The following ARHGAP10 variants were observed in gnomAD, a reference collection of about 807,000 sequenced individuals.
ARHGAP10 encodes rho GTPase-activating protein 10.
In ARHGAP10, 87 loss-of-function variants were observed where a neutral mutation model predicts 108.6. That is an observed-to-expected ratio of 0.80 (90% CI 0.67 to 0.96). The LOEUF (loss-of-function observed/expected upper bound fraction) is 0.96. ARHGAP10 is among the 40% of genes least tolerant of loss of function. ARHGAP10 has a pLI of 0.00. For missense variants in ARHGAP10, 939 were observed against 954.5 expected, an observed-to-expected ratio of 0.98 and a Z score of 0.21; for synonymous variants, 347 against 341.1, an observed-to-expected ratio of 1.02 and a Z score of -0.19.
intron 19 of ARHGAP10, among the ~76,000 whole-genome samples, chr4:148,040,931 C>T (rs563846569): frequency 6.6e-6 from 1 of 152,202 alleles, no homozygotes; most frequent in South Asian, 2.1e-4. Context: ...GTTATAATTG[C>T]AGTTACTTTG....
At chr4:147,960,304 C>A (rs1738945413) in intron 16 of ARHGAP10, among the ~76,000 whole-genome samples, 1 of 151,966 alleles carries the variant, frequency 6.6e-6, no homozygotes, top group African/African-American at 2.4e-5. Context: ...AGCCTTTTTG[C>A]ATCCTTTCTG....
chr4:147,851,858 C>T (rs1184141911), intron 4 of ARHGAP10, among the ~76,000 whole-genome samples: 2 of 152,166 alleles, frequency 1.3e-5, no homozygotes, highest in African/African-American at 2.4e-5. Context: ...ATGTACTCTA[C>T]CATCTCATCT....
chr4:147,898,135 C>T (rs1736074660), intron 10 of ARHGAP10, among the ~76,000 whole-genome samples: 1 of 152,036 alleles, frequency 6.6e-6, no homozygotes, highest in South Asian at 2.1e-4. Flanking sequence ...TTCTGCAAAA[C>T]TGGGTTTTTA....
chr4:147,970,267 T>A (rs59020830), intron 18 of ARHGAP10, among the ~76,000 whole-genome samples: 2,059 of 152,248 alleles, frequency 0.014, 47 homozygotes, highest in African/African-American at 0.046. Flanking sequence ...GACCTAAGTA[T>A]ACCCTTCAGA....
At chr4:148,053,675 G>T (rs1439891799) in intron 20 of ARHGAP10, among the ~76,000 whole-genome samples, 1 of 152,162 alleles carries the variant, frequency 6.6e-6, no homozygotes, top group African/African-American at 2.4e-5. Context: ...TTCACATTCA[G>T]TCTGGGGGTA....
intron 15 of ARHGAP10, among the ~76,000 whole-genome samples, chr4:147,950,530 A>G (rs1056728172): frequency 1.3e-5 from 2 of 152,328 alleles, no homozygotes; most frequent in Admixed American, 1.3e-4. Context: ...TCTCACTGCA[A>G]ATAACCCAGC....
At chr4:147,739,027 A>G (rs1205012275) in intron 1 of ARHGAP10, among the ~76,000 whole-genome samples, 2 of 151,694 alleles carry the variant, frequency 1.3e-5, no homozygotes, top group Non-Finnish European at 2.9e-5. Flanking sequence ...TACTAAAAAT[A>G]CAAAAAAAAA....
chr4:147,885,018 G>T (rs1314386345), intron 10 of ARHGAP10, among the ~76,000 whole-genome samples: 1 of 152,106 alleles, frequency 6.6e-6, no homozygotes, highest in East Asian at 1.9e-4. Flanking sequence ...GGTGGCAGTG[G>T]GGGTGGAGCC....
intron 19 of ARHGAP10, among the ~76,000 whole-genome samples, chr4:148,026,343 A>C (rs940782769): frequency 2.6e-5 from 4 of 152,090 alleles, no homozygotes; most frequent in African/African-American, 9.7e-5. Flanking sequence ...GATGCAGAAA[A>C]CCCAGCATGA....
At chr4:148,032,184 A>G (rs865903759) in intron 19 of ARHGAP10, among the ~76,000 whole-genome samples, 1 of 152,216 alleles carries the variant, frequency 6.6e-6, no homozygotes, top group Admixed American at 6.5e-5. Context: ...AAAAAGATAC[A>G]AAGTGGAAAG....
chr4:147,986,961 C>A (rs531536083), intron 18 of ARHGAP10, among the ~76,000 whole-genome samples: 1 of 152,164 alleles, frequency 6.6e-6, no homozygotes, highest in Admixed American at 6.5e-5. Flanking sequence ...AGGTAAAAAC[C>A]TTTTGTCTTC....
chr4:148,029,994 T>TC (rs369537451), intron 19 of ARHGAP10, among the ~76,000 whole-genome samples: 14,496 of 138,276 alleles, frequency 0.1, 928 homozygotes, highest in African/African-American at 0.2. Context: ...AGGCTCAGCA[T>TC]CCCCCCCCCC....
chr4:148,037,795 A>G (rs1366438591), intron 19 of ARHGAP10, among the ~76,000 whole-genome samples: 1 of 151,570 alleles, frequency 6.6e-6, no homozygotes, highest in African/African-American at 2.4e-5. Flanking sequence ...AGATCACGCC[A>G]CTGCTCTCCA....
At chr4:147,850,587 A>G (rs1322885198) in intron 4 of ARHGAP10, among the ~76,000 whole-genome samples, 1 of 152,144 alleles carries the variant, frequency 6.6e-6, no homozygotes, top group South Asian at 2.1e-4. Flanking sequence ...CCACGAACCC[A>G]CCAGAAGGAA....
rs1732893999 is a variant in ARHGAP10, at chr4:147,830,202, C to T, written c.312+7245C>T. Among the ~76,000 whole-genome samples, 3 of 152,174 alleles carry T rather than the reference C, an allele frequency of 2.0e-5. No homozygotes were observed. The South Asian group carries it at 6.2e-4, about 31-fold the overall frequency. ...CACAGACTTTACCCTTGTGAAAATA[C>T]CAGGCCAGGGATCACTTCCTGGGTG... On this transcript the variant is annotated intron_variant, in intron 3 of 22. Transcript: ENST00000336498.
intron 1 of ARHGAP10, among the ~76,000 whole-genome samples, chr4:147,820,282 T>C (rs1427395452): frequency 1.3e-5 from 2 of 152,100 alleles, no homozygotes; most frequent in Non-Finnish European, 2.9e-5. Context: ...ACTAAGTTAT[T>C]TTATTTATTT....
At chr4:147,857,085 C>T (rs1475527037) in intron 4 of ARHGAP10, among the ~76,000 whole-genome samples, 1 of 152,178 alleles carries the variant, frequency 6.6e-6, no homozygotes, top group Admixed American at 6.5e-5. Context: ...CTCCTGACCT[C>T]AGGTGATCCG....
intron 15 of ARHGAP10, among the ~76,000 whole-genome samples, chr4:147,948,376 C>G (rs1373028315): frequency 6.6e-6 from 1 of 152,088 alleles, no homozygotes; most frequent in East Asian, 1.9e-4. Flanking sequence ...AGTCCATGTT[C>G]AATTTTTACC....
chr4:147,814,997 G>A (rs1044243770), intron 1 of ARHGAP10, among the ~76,000 whole-genome samples: 10 of 152,088 alleles, frequency 6.6e-5, no homozygotes, highest in East Asian at 3.9e-4. Context: ...CTTTCTTGGC[G>A]TCGAAGCCAA....
Sources: allele counts gnomAD v4.1 joint callset (sites outside exome capture counted in the v4.1 genomes callset), GRCh38; gene constraint gnomAD v4.1.1; transcripts MANE v1.5; gene names NCBI Gene and HGNC (gene_info 2026-07-23, HGNC 2026-07-21).